The following TLE2 variants were observed in gnomAD, a reference collection of about 807,000 sequenced individuals.
The protein encoded by TLE2 is transducin-like enhancer protein 2.
In TLE2, 74 loss-of-function variants were observed where a neutral mutation model predicts 97.2. The ratio of observed to expected loss-of-function variants is 0.76; its 90% CI spans 0.63 to 0.92. TLE2 has a LOEUF of 0.92. Among genes scored for constraint, TLE2 ranks in the 40% least tolerant of loss-of-function variants. The pLI is 0.00. For synonymous variants in TLE2, 499 were observed against 432.1 expected (o/e 1.15, Z -1.92); for missense variants, 1,038 against 1,008.7 (o/e 1.03, Z -0.39).
intron 13 of TLE2, 40 bp downstream of exon 13, chr19:3,009,502 G>T: frequency 6.4e-7 from 1 of 1,553,214 alleles, no homozygotes; most frequent in Non-Finnish European, 8.7e-7. Flanking sequence ...CAGCCCCTGG[G>T]CCCTGCTGAC....
chr19:3,022,864 GCAACTACCAAACTCTGTCA>G (rs2089871957), intron 5 of TLE2, among the ~76,000 whole-genome samples: 1 of 152,092 alleles, frequency 6.6e-6, no homozygotes, highest in Non-Finnish European at 1.5e-5. Context: ...GGTCTCTGTT[GCAACTACCAAACTCTGTCA>G]CTGTAATGGG....
chr19:3,035,851 C>T (rs1050964681), intron 1 of TLE2, among the ~76,000 whole-genome samples: 9 of 152,110 alleles, frequency 5.9e-5, no homozygotes, highest in African/African-American at 2.2e-4. Flanking sequence ...ATCTGAGACC[C>T]TAGTGGACGC....
At chr19:3,009,424 C>T in intron 13 of TLE2, 118 bp downstream of exon 13, 1 of 1,269,374 alleles carries the variant, frequency 7.9e-7, no homozygotes, top group Non-Finnish European at 1.0e-6. Flanking sequence ...ACTTGCTGAG[C>T]CAGGGCTCCC....
In TLE2 at chr19:3,015,700, C is replaced by T. The variant is rs1278642535; in HGVS notation, c.631G>A (p.Gly211Ser). The T allele has an allele frequency of 2.5e-6, 4 of 1,611,662 alleles. No individual in the cohort carries two copies. The highest frequency in any genetic ancestry group is 2.5e-6 in the Non-Finnish European group (3 of 1,179,454). Residue 211 changes from glycine (G) to serine (S), a missense_variant, in exon 9 of 20, where the codon GGT (glycine) becomes AGT (serine). Gly to Ser is a moderately conservative substitution (Grantham distance 56). Coordinates refer to ENST00000262953, the MANE Select transcript of TLE2 (RefSeq NM_003260.5). ...VEEERPSGPG[G>S]GGKQRADEKE... Reference sequence around the variant, plus strand: ...TCATCTGCTCTCTGCTTCCCGCCACCACCAGGGCCACTCGGTCGCTCCTCC... The same window carrying T: ...TCATCTGCTCTCTGCTTCCCGCCACTACCAGGGCCACTCGGTCGCTCCTCC...
chr19:3,006,082 G>C, intron 15 of TLE2, 114 bp from the exon 16 acceptor site: 2 of 1,310,650 alleles, frequency 1.5e-6, no homozygotes, highest in African/African-American at 1.4e-5. Context: ...TGATTAGCCT[G>C]CAAGCCCTAC....
chr19:3,032,987 G>A (rs370615177), upstream of TLE2, among the ~76,000 whole-genome samples: 11 of 151,518 alleles, frequency 7.3e-5, no homozygotes, highest in East Asian at 2.1e-3. This position sits in a 1 kb window ranked among gnomAD's most constrained non-coding sequence, Gnocchi z 4.1. Flanking sequence ...AGGCTGGAGT[G>A]CAGTGGCACG....
At chr19:2,998,278 A>ATTT (rs147412730) in intron 19 of TLE2, among the ~76,000 whole-genome samples, 2 of 106,692 alleles carry the variant, frequency 1.9e-5, no homozygotes, top group East Asian at 2.4e-4. Context: ...TGTGTGTGTA[A>ATTT]TTTTTTTTTT....
chr19:3,015,587 C>T, intron 9 of TLE2, 66 bp downstream of exon 9: 2 of 1,334,602 alleles, frequency 1.5e-6, no homozygotes, highest in Non-Finnish European at 2.1e-6. Flanking sequence ...CTCTGGAAGG[C>T]TCTGAGGGGC....
At chr19:3,043,364 C>CTTTTTT (rs71337196) in intron 1 of TLE2, among the ~76,000 whole-genome samples, 23 of 108,892 alleles carry the variant, frequency 2.1e-4, no homozygotes, top group African/African-American at 3.2e-4. Flanking sequence ...CCTTCTGCAG[C>CTTTTTT]TTTTTTTTTT....
At chr19:2,998,275 G>GTGTGTGTGTGTGTGTGTGTGTGTGTGTA (rs796339147) in intron 19 of TLE2, among the ~76,000 whole-genome samples, 5 of 110,340 alleles carry the variant, frequency 4.5e-5, no homozygotes, top group African/African-American at 1.4e-4. Context: ...GTGTGTGTGT[G>GTGTGTGTGTGTGTGTGTGTGTGTGTGTA]TAATTTTTTT....
Position 3,019,244 on chromosome 19 carries a change from C to T in TLE2, c.550+39G>A, listed in dbSNP as rs780350924. ...GACTGCCAGTCGTCCTCCCCAGCCC[C>T]GTCTCCCCAGCCAATGCCACCCCGT... On this transcript the variant is annotated intron_variant, in intron 7 of 19. Transcript: ENST00000262953. This position sits in a 1 kb window ranked among gnomAD's most constrained non-coding sequence, Gnocchi z 5.1. 79 of 1,549,944 alleles carry T rather than the reference C, an allele frequency of 5.1e-5. No individual in the cohort carries two copies. The highest frequency in any genetic ancestry group is 6.5e-5 in the Non-Finnish European group (75 of 1,155,594).
rs1002395434 is a variant in TLE2, at chr19:3,039,937, A to C, written c.63+5789T>G. Among the ~76,000 whole-genome samples the C allele has an allele frequency of 3.3e-5, 5 of 152,060 alleles. No homozygotes were observed. In the South Asian group the frequency reaches 1.0e-3, roughly 32 times the overall value. On this transcript the variant is annotated intron_variant, in intron 1 of 18. Coordinates refer to the TLE2 transcript ENST00000426948. ...CCTGTACAGTGGGATAATTATAGAAACGTCTCATTGAGTCATCACACGATC... is the reference window on the plus strand; with the variant it reads ...CCTGTACAGTGGGATAATTATAGAACCGTCTCATTGAGTCATCACACGATC...
rs146560845 is a variant in TLE2, at chr19:3,013,538, A to C, written c.873+131T>G. On this transcript the variant is annotated intron_variant, in intron 11 of 19. Coordinates refer to ENST00000262953, the MANE Select transcript of TLE2 (RefSeq NM_003260.5). ...GCAGGAGGTTTAAAAAAAAAAGCAC[A>C]GGGAAAGGGTGGACAATGCCAGCCC... The C allele has an allele frequency of 4.1e-4, 365 of 900,598 alleles. 2 individuals are homozygous for C. The East Asian group carries it at 0.011, about 27-fold the overall frequency. The allele number at this position is 900,598 out of a possible 1,614,324, so 55.8% of individuals were successfully genotyped here.
At chr19:3,004,559 A>C (rs772596508) in intron 17 of TLE2, among the ~76,000 whole-genome samples, 2 of 151,096 alleles carry the variant, frequency 1.3e-5, no homozygotes, top group Non-Finnish European at 2.9e-5. Flanking sequence ...GAATCATTTG[A>C]ACCTGGGAGG....
upstream of TLE2, among the ~76,000 whole-genome samples, chr19:3,046,085 C>T (rs1358665151): frequency 6.6e-6 from 1 of 152,150 alleles, no homozygotes; most frequent in Non-Finnish European, 1.5e-5. Flanking sequence ...GTCTGGTTGC[C>T]CCTAGGGGGG....
chr19:3,010,803 G>A (rs1172969310), intron 12 of TLE2, among the ~76,000 whole-genome samples: 1 of 152,080 alleles, frequency 6.6e-6, no homozygotes, highest in Non-Finnish European at 1.5e-5. Context: ...CCCCGACTAA[G>A]CCGCTTCCAC....
At position 3,014,553 on chromosome 19, in the gene TLE2, TGG is replaced by T; in HGVS notation, c.723+15_723+16del. 6.4e-7 allele frequency: 1 copy of T among 1,570,570 alleles called. No homozygotes were observed. The highest frequency in any genetic ancestry group is 1.8e-5 in the Admixed American group (1 of 55,348). Reference sequence around the variant, plus strand: ...CTGTGCCCAGAGTCGGGGAAGAGGCTGGACCCCTGGACTCACCTCGTCCACCA... The same window carrying T: ...CTGTGCCCAGAGTCGGGGAAGAGGCTACCCCTGGACTCACCTCGTCCACCA... On this transcript the variant is annotated intron_variant, in intron 10 of 19. Transcript: ENST00000262953.
At chr19:3,038,637 G>A (rs969925316) in intron 1 of TLE2, among the ~76,000 whole-genome samples, 2 of 152,246 alleles carry the variant, frequency 1.3e-5, no homozygotes, top group African/African-American at 4.8e-5. Context: ...GCTGGGCGTG[G>A]TGGCTCACGC....
upstream of TLE2, among the ~76,000 whole-genome samples, chr19:3,030,065 A>G (rs574786889): frequency 6.6e-6 from 1 of 152,236 alleles, no homozygotes; most frequent in Admixed American, 6.5e-5. Context: ...GGCCTTCCAA[A>G]GTGCTGGGAT....
Sources: allele counts gnomAD v4.1 joint callset (sites outside exome capture counted in the v4.1 genomes callset), GRCh38; gene constraint gnomAD v4.1.1; non-coding constraint Gnocchi (gnomAD v3.1); transcripts MANE v1.5; gene names NCBI Gene and HGNC (gene_info 2026-07-23, HGNC 2026-07-21).